Variants in CHST13 observed in about 807,000 individuals in gnomAD.
CHST13 encodes the protein carbohydrate sulfotransferase 13.
A neutral mutation model predicts 7.0 loss-of-function variants in CHST13; 1 was observed. The observed-to-expected ratio is 0.14, with a 90% CI of 0.05 to 0.68. The LOEUF (loss-of-function observed/expected upper bound fraction) is 0.68. Ranked by LOEUF, CHST13 falls within the 30% of genes least tolerant of loss-of-function variation. The probability of loss-of-function intolerance (pLI) is 0.82; values close to 1 mark genes in which losing one functional copy is unlikely to be tolerated. For missense variants in CHST13, 572 were observed against 507.9 expected, an observed-to-expected ratio of 1.13 and a Z score of -1.21; for synonymous variants, 257 against 240.9, an observed-to-expected ratio of 1.07 and a Z score of -0.62.
chr3:126,540,079 C>G (rs1296686895), intron 2 of CHST13, among the ~76,000 whole-genome samples: 2 of 150,736 alleles, frequency 1.3e-5, no homozygotes, highest in Admixed American at 6.6e-5. Flanking sequence ...ACACACCACA[C>G]GCGTGCACCA....
At chr3:126,536,984 G>A (rs1020647975) in intron 2 of CHST13, among the ~76,000 whole-genome samples, 15 of 152,108 alleles carry the variant, frequency 9.9e-5, no homozygotes, top group Admixed American at 9.8e-4. Context: ...CATGCAGGCT[G>A]TGGTCAGGAT....
intron 2 of CHST13, among the ~76,000 whole-genome samples, chr3:126,538,015 G>C (rs559733658): frequency 6.6e-6 from 1 of 152,204 alleles, no homozygotes; most frequent in Non-Finnish European, 1.5e-5. Flanking sequence ...TCCAGCTTTA[G>C]AGTCCCAAGG....
intron 2 of CHST13, 69 bp from the exon 3 acceptor site, chr3:126,541,664 G>A: frequency 7.5e-7 from 1 of 1,338,710 alleles, no homozygotes. Context: ...TCCCGCCGGG[G>A]CAGCGCCAGA....
chr3:126,542,576 T>C lies in CHST13; in HGVS notation c.1024T>C (p.Ter342GlnextTer222). 2.0e-6 allele frequency: 3 copies of C among 1,484,388 alleles called. No homozygotes were observed. The highest frequency in any genetic ancestry group is 2.7e-6 in the Non-Finnish European group (3 of 1,120,588). 92.0% of individuals were successfully genotyped at this position (1,484,388 alleles called of 1,614,324 possible). The part of the protein sequence containing the change: ...YSAPSYLRLL[*>Q] ...CGCCCCCTCCTACCTGCGGCTGCTC[T>C]AGCGGTCCTGGAGGTCCTGTGGCCA... Residue 342 changes from the stop codon to glutamine (Q), a stop_lost, in exon 3 of 3, where the codon TAG becomes CAG. Coordinates refer to ENST00000319340, the MANE Select transcript of CHST13 (RefSeq NM_152889.3).
Position 126,538,339 on chromosome 3 carries a change from C to A in CHST13, c.180+1986C>A, listed in dbSNP as rs150343400. Among the ~76,000 whole-genome samples the A allele has an allele frequency of 1.2e-4, 18 of 152,360 alleles. No individual in the cohort carries two copies. The East Asian group carries it at 3.5e-3, about 29-fold the overall frequency. ...CTGCAGACACCTCACAGGAGGGCAT[C>A]CCAGGCAGAAAGTGAGTGGTGGGGT... On this transcript the variant is annotated intron_variant, in intron 2 of 2. Coordinates refer to ENST00000319340, the MANE Select transcript of CHST13 (RefSeq NM_152889.3).
intron 2 of CHST13, among the ~76,000 whole-genome samples, chr3:126,539,955 CAT>C (rs1936918469): frequency 3.5e-5 from 1 of 28,434 alleles, no homozygotes; most frequent in East Asian, 9.6e-4. Flanking sequence ...ACCTGCCACA[CAT>C]GCCACACACA....
At chr3:126,539,846 ATC>A (rs1936906025) in intron 2 of CHST13, among the ~76,000 whole-genome samples, 1 of 1,734 alleles carries the variant, frequency 5.8e-4, no homozygotes, top group Non-Finnish European at 1.2e-3. Flanking sequence ...CACCACACAC[ATC>A]ACACACACAC....
chr3:126,530,601 C>T (rs147080037), intron 1 of CHST13, among the ~76,000 whole-genome samples: 2 of 152,384 alleles, frequency 1.3e-5, no homozygotes, highest in East Asian at 3.9e-4. Flanking sequence ...GTTGCCTGGC[C>T]CTGCCCTGCC....
chr3:126,525,855 T>G (rs1041320332), intron 1 of CHST13, among the ~76,000 whole-genome samples: 34 of 152,174 alleles, frequency 2.2e-4, no homozygotes, highest in African/African-American at 8.2e-4. Context: ...TACCCAGGTT[T>G]GAGGGATGAG....
At position 126,542,776 on chromosome 3, in the gene CHST13, C is replaced by T; in HGVS notation, c.*198C>T. On this transcript the variant is annotated 3_prime_UTR_variant, in exon 3 of 3. Coordinates refer to ENST00000319340, the MANE Select transcript of CHST13 (RefSeq NM_152889.3). ...CTCAGGTGGCCCTGCACGCGTGTGCCTGCCTCGGCCTGTCGCCTGAGGCCT... is the reference window on the plus strand; with the variant it reads ...CTCAGGTGGCCCTGCACGCGTGTGCTTGCCTCGGCCTGTCGCCTGAGGCCT... The T allele has an allele frequency of 1.5e-6, 1 of 687,858 alleles. No individual in the cohort carries two copies. Among genetic ancestry groups the T allele is most frequent in the Non-Finnish European group, 2.1e-6 (1 of 478,136 alleles). The allele number at this position is 687,858 out of a possible 1,614,324, so 42.6% of individuals were successfully genotyped here.
At chr3:126,529,269 C>A (rs1005031421) in intron 1 of CHST13, 1 of 1,242,648 alleles carries the variant, frequency 8.0e-7, no homozygotes, top group African/African-American at 1.5e-5. Context: ...ATGACGTGTG[C>A]GGGTGTCCTG....
rs147133309 is a variant in CHST13, at chr3:126,528,621, G to A, written c.97+4192G>A. ...AGAGCCCTGGGGCCTACCCGGGGCTGGCCATGGGCAGGGAAGGTGGAAGTG... is the reference window on the plus strand; with the variant it reads ...AGAGCCCTGGGGCCTACCCGGGGCTAGCCATGGGCAGGGAAGGTGGAAGTG... On this transcript the variant is annotated intron_variant, in intron 1 of 2. Transcript: ENST00000319340. Among the ~76,000 whole-genome samples, 1,425 of 152,232 alleles carry A rather than the reference G, an allele frequency of 9.4e-3. 13 individuals are homozygous for A. Among genetic ancestry groups the A allele is most frequent in the Non-Finnish European group, 0.012 (820 of 67,988 alleles).
intron 1 of CHST13, among the ~76,000 whole-genome samples, chr3:126,530,107 C>T (rs745378768): frequency 2.0e-5 from 3 of 152,364 alleles, no homozygotes; most frequent in South Asian, 2.1e-4. Context: ...CCTCAAGATA[C>T]CCCCCTTCTG....
At chr3:126,525,325 C>G (rs1250670935) in intron 1 of CHST13, among the ~76,000 whole-genome samples, 1 of 152,170 alleles carries the variant, frequency 6.6e-6, no homozygotes, top group Non-Finnish European at 1.5e-5. Context: ...GAGTAAGTAA[C>G]TAGGTCCAGG....
Position 126,529,461 on chromosome 3 carries a change from AC to A in CHST13, c.97+5034del, listed in dbSNP as rs1480256152. On this transcript the variant is annotated intron_variant, in intron 1 of 2. Coordinates refer to ENST00000319340, the MANE Select transcript of CHST13 (RefSeq NM_152889.3). ...GGGTGTTAAGGGTGCAGATGCTGGC[AC>A]CGGTGGCCTGGGGTCAAATTCTGTT... The A allele has an allele frequency of 6.0e-6, 7 of 1,172,652 alleles. No homozygotes were observed. The East Asian group carries it at 4.1e-4, about 69-fold the overall frequency. The allele number at this position is 1,172,652 out of a possible 1,614,324, so 72.6% of individuals were successfully genotyped here. A position where few individuals can be genotyped will look rare whatever the true frequency, so the allele number is the denominator to read the frequency against.
At chr3:126,527,427 G>C (rs1936557922) in intron 1 of CHST13, 1 of 152,320 alleles carries the variant, frequency 6.6e-6, no homozygotes, top group Non-Finnish European at 1.5e-5. Context: ...CTCTGCCATA[G>C]CCTCACTCTC....
At chr3:126,536,764 G>T (rs1266841587) in intron 2 of CHST13, among the ~76,000 whole-genome samples, 1 of 151,532 alleles carries the variant, frequency 6.6e-6, no homozygotes, top group Non-Finnish European at 1.5e-5. Context: ...GGGCTGGCTG[G>T]CCCACACACC....
intron 1 of CHST13, among the ~76,000 whole-genome samples, 154 bp from the exon 2 acceptor site, chr3:126,536,117 C>T (rs1936784804): frequency 6.6e-6 from 1 of 152,124 alleles, no homozygotes; most frequent in Non-Finnish European, 1.5e-5. Flanking sequence ...CCTGCCATCC[C>T]CCACTCCACC....
At chr3:126,526,530 C>A (rs1936539864) in intron 1 of CHST13, among the ~76,000 whole-genome samples, 1 of 152,174 alleles carries the variant, frequency 6.6e-6, no homozygotes, top group African/African-American at 2.4e-5. Flanking sequence ...CAGCACTGTC[C>A]CCTCCTTCTC....
Sources: allele counts gnomAD v4.1 joint callset (sites outside exome capture counted in the v4.1 genomes callset), GRCh38; gene constraint gnomAD v4.1.1; transcripts MANE v1.5; gene names NCBI Gene and HGNC (gene_info 2026-07-23, HGNC 2026-07-21).